The following HIPK3 variants were observed in gnomAD, a reference collection of about 807,000 sequenced individuals.
HIPK3 encodes homeodomain interacting protein kinase 3, also known as homeodomain-interacting protein kinase 3.
HIPK3 carries 47 observed loss-of-function variants against 124.2 expected under a neutral mutation model. That is an observed-to-expected ratio of 0.38 (90% CI 0.30 to 0.48). The LOEUF (loss-of-function observed/expected upper bound fraction) is 0.48, where lower values mean the gene tolerates loss of function less well. HIPK3 is among the 20% of genes least tolerant of loss of function. The pLI is 0.98. For synonymous variants in HIPK3, 482 were observed against 515.2 expected (o/e 0.94, Z 0.87); for missense variants, 1,286 against 1,454.3 (o/e 0.88, Z 1.88).
chr11:33,293,208 T>C (rs906888163), intron 2 of HIPK3, among the ~76,000 whole-genome samples: 5 of 152,220 alleles, frequency 3.3e-5, no homozygotes, highest in African/African-American at 1.2e-4. Context: ...AAAACAGCTT[T>C]ATTGAGATAT....
intron 3 of HIPK3, among the ~76,000 whole-genome samples, chr11:33,330,797 T>C (rs578082065): frequency 3.9e-4 from 59 of 151,966 alleles, no homozygotes; most frequent in African/African-American, 8.7e-4. Context: ...TTTTTTTTTT[T>C]CCCTATCAGT....
chr11:33,309,237 C>G (rs924498954), intron 2 of HIPK3, among the ~76,000 whole-genome samples: 2 of 152,154 alleles, frequency 1.3e-5, no homozygotes, highest in African/African-American at 4.8e-5. Context: ...CACTCAAGTC[C>G]ATTTATGCAA....
Position 33,287,185 on chromosome 11 carries a change from C to T in HIPK3, c.771C>T (p.Asn257=), listed in dbSNP as rs770844579. 82 of 1,614,042 alleles carry T rather than the reference C, an allele frequency of 5.1e-5. No homozygotes were observed. Among genetic ancestry groups the T allele is most frequent in the Non-Finnish European group, 6.2e-5 (73 of 1,180,028 alleles). ...GTACTGAAAATGCTGATGAATATAACTTTGTACGAGCTTATGAATGCTTTC... is the reference window on the plus strand; with the variant it reads ...GTACTGAAAATGCTGATGAATATAATTTTGTACGAGCTTATGAATGCTTTC... ...RLSTENADEY[N]FVRAYECFQH... The change falls in exon 2 of 17, where the codon AAC becomes AAT. Residue 257 remains asparagine (N), a synonymous_variant. Coordinates refer to ENST00000303296, the MANE Select transcript of HIPK3 (RefSeq NM_005734.5).
chr11:33,263,049 T>C (rs1850867348), intron 1 of HIPK3, among the ~76,000 whole-genome samples: 1 of 152,222 alleles, frequency 6.6e-6, no homozygotes, highest in Admixed American at 6.5e-5. Context: ...TTTTCATTTT[T>C]TGTAGAGACG....
intron 8 of HIPK3, among the ~76,000 whole-genome samples, chr11:33,343,247 T>TTGTG (rs3884092): frequency 0.072 from 10,117 of 141,332 alleles, 500 homozygotes; most frequent in African/African-American, 0.14. Context: ...TTATTTGATT[T>TTGTG]TGTGTGTGTG....
At chr11:33,326,824 A>G (rs1167506431) in intron 2 of HIPK3, among the ~76,000 whole-genome samples, 1 of 151,978 alleles carries the variant, frequency 6.6e-6, no homozygotes, top group Non-Finnish European at 1.5e-5. Flanking sequence ...GGTGCGGACC[A>G]TCACCCTGGC....
rs992418981 is a variant in HIPK3 at position 33,258,019 on chromosome 11, A to G, written c.-3+130A>G. On this transcript the variant is annotated intron_variant, in intron 1 of 16. Transcript: ENST00000303296. Reference sequence around the variant, plus strand: ...GACACCTCCGGCGCAGCCCGCACTCATTGCGCGTCCCGTGCCCCATCCGCA... The same window carrying G: ...GACACCTCCGGCGCAGCCCGCACTCGTTGCGCGTCCCGTGCCCCATCCGCA... The G allele has an allele frequency of 1.9e-5, 15 of 771,948 alleles. No homozygotes were observed. The African/African-American group carries it at 2.8e-4, about 14-fold the overall frequency. 47.8% of individuals were successfully genotyped at this position (771,948 alleles called of 1,614,324 possible).
At chr11:33,296,354 T>G (rs1441759605) in intron 2 of HIPK3, among the ~76,000 whole-genome samples, 1 of 152,198 alleles carries the variant, frequency 6.6e-6, no homozygotes. Flanking sequence ...TATTGGAGAA[T>G]GGCTTTTGGA....
chr11:33,287,016 A>G lies in HIPK3; in HGVS notation c.602A>G (p.Asp201Gly), dbSNP rs1354021958. Residue 201 changes from aspartate to glycine, a missense_variant, in exon 2 of 17, where the codon GAT becomes GGT. Physicochemically the swap from Asp to Gly is moderately conservative, Grantham distance 94 (BLOSUM62 -1). Coordinates refer to ENST00000303296, the MANE Select transcript of HIPK3 (RefSeq NM_005734.5). ...CSMKNTYEVL[D>G]FLGRGTFGQV... ...ATGAAAAATACTTACGAAGTCCTTGATTTTCTTGGTCGAGGCACGTTTGGC... is the reference window on the plus strand; with the variant it reads ...ATGAAAAATACTTACGAAGTCCTTGGTTTTCTTGGTCGAGGCACGTTTGGC... The G allele has an allele frequency of 6.2e-7, 1 of 1,614,022 alleles. No individual in the cohort carries two copies. Among genetic ancestry groups the G allele is most frequent in the Non-Finnish European group, 8.5e-7 (1 of 1,180,018 alleles).
At chr11:33,297,331 GGA>G (rs1851868829) in intron 2 of HIPK3, among the ~76,000 whole-genome samples, 2 of 152,022 alleles carry the variant, frequency 1.3e-5, no homozygotes, top group Non-Finnish European at 2.9e-5. Context: ...TGACCTCAGG[GGA>G]TCCACCCAAC....
At chr11:33,262,810 A>G (rs1021956304) in intron 1 of HIPK3, among the ~76,000 whole-genome samples, 1 of 151,296 alleles carries the variant, frequency 6.6e-6, no homozygotes, top group African/African-American at 2.4e-5. Flanking sequence ...TATTTTTTCT[A>G]TTTTTGTATT....
In HIPK3 at chr11:33,339,354, A is replaced by G; in HGVS notation, c.1433A>G (p.Asn478Ser). 2 of 1,611,350 alleles carry G rather than the reference A, an allele frequency of 1.2e-6. No individual in the cohort carries two copies. Among genetic ancestry groups the G allele is most frequent in the Admixed American group, 1.7e-5 (1 of 59,964 alleles). ...TTGAAATTTTGATTTTCTTAGGTGAACACAGTGATGGATTTGGAAGGAAGT... is the reference window on the plus strand; with the variant it reads ...TTGAAATTTTGATTTTCTTAGGTGAGCACAGTGATGGATTTGGAAGGAAGT... ...FNSLDDVAHV[N>S]TVMDLEGSDL... The change falls in exon 6 of 17, where the codon AAC becomes AGC. Residue 478 changes from asparagine (N) to serine (S), a missense_variant. By Grantham distance (46) the Asn-to-Ser change is conservative (BLOSUM62 1). Around this residue, in one of 3 missense-constraint regions of HIPK3, gnomAD observed 251 missense variants for 349.1 expected, o/e 0.72. Transcript: ENST00000303296.
Position 33,257,449 on chromosome 11 carries a change from C to A in HIPK3, c.-443C>A. On this transcript the variant is annotated 5_prime_UTR_variant, in exon 1 of 17. Coordinates refer to ENST00000303296, the MANE Select transcript of HIPK3 (RefSeq NM_005734.5). ...TGAGGAGATCAAGCCGCAGGCCCCG[C>A]CGTCGCCACCACTCCCGCCAGTCTT... 3.0e-6 allele frequency: 3 copies of A among 985,664 alleles called. No homozygotes were observed. Among genetic ancestry groups the A allele is most frequent in the Non-Finnish European group, 3.6e-6 (3 of 830,186 alleles). The allele number at this position is 985,664 out of a possible 1,614,324, so 61.1% of individuals were successfully genotyped here.
At position 33,286,645 on chromosome 11, in the gene HIPK3, A is replaced by G. The variant is rs772692938; in HGVS notation, c.231A>G (p.Ser77=). The part of the protein sequence containing the change: ...PFNRPRGHNF[S]LQTSAVVLKN... The stretch of plus-strand genomic sequence containing the variant: ...ATAGACCTCGAGGACACAACTTTTC[A>G]TTGCAGACAAGTGCTGTTGTTTTGA... Residue 77 remains serine (S), a synonymous_variant, in exon 2 of 17, where the codon TCA becomes TCG. Coordinates refer to ENST00000303296, the MANE Select transcript of HIPK3 (RefSeq NM_005734.5). 1.2e-5 allele frequency: 19 copies of G among 1,614,046 alleles called. No individual in the cohort carries two copies. Among genetic ancestry groups the G allele is most frequent in the Middle Eastern group, 1.6e-4 (1 of 6,084 alleles).
chr11:33,297,778 CTTTTTTTTTT>C (rs1015881408), intron 2 of HIPK3, among the ~76,000 whole-genome samples: 1,246 of 81,978 alleles, frequency 0.015, 24 homozygotes, highest in African/African-American at 0.055. Context: ...AAAGAACAGG[CTTTTTTTTTT>C]TTTTTTTTTT....
At chr11:33,310,281 T>TGTCTATCTTATCTATCTATCTATCTATC (rs1554965371) in intron 2 of HIPK3, among the ~76,000 whole-genome samples, 1 of 121,074 alleles carries the variant, frequency 8.3e-6, no homozygotes, top group Non-Finnish European at 1.8e-5. Flanking sequence ...TCTGTCTATC[T>TGTCTATCTTATCTATCTATCTATCTATC]TATCTATCTA....
At position 33,286,923 on chromosome 11, in the gene HIPK3, G is replaced by A. The variant is rs34698015; in HGVS notation, c.509G>A (p.Gly170Glu). The change falls in exon 2 of 17, where the codon GGA becomes GAA. Residue 170 changes from glycine to glutamate, a missense_variant. Gly to Glu is a moderately conservative substitution (Grantham distance 98). Transcript: ENST00000303296. ...GTGACAGTTGTGACAGCTACCACAG[G>A]ATCAAAACAGAATTGTACCACTGGA... is the stretch of plus-strand genomic sequence containing the variant. ...NPVTVVTATT[G>E]SKQNCTTGEG... The A allele has an allele frequency of 7.0e-3, 11,359 of 1,614,134 alleles. 61 individuals are homozygous for A. The highest frequency in any genetic ancestry group is 8.6e-3 in the Non-Finnish European group (10,150 of 1,180,012).
intron 2 of HIPK3, among the ~76,000 whole-genome samples, chr11:33,322,114 C>A (rs1176519724): frequency 6.6e-6 from 1 of 152,192 alleles, no homozygotes; most frequent in African/African-American, 2.4e-5. Context: ...ATTCTCCTGC[C>A]TCAGCCTCCC....
Position 33,286,615 on chromosome 11 carries a change from A to G in HIPK3, c.201A>G (p.Pro67=). ...TKGSAFQTKI[P]FNRPRGHNFS... ...GTAGTGCTTTTCAGACAAAGATACC[A>G]TTTAATAGACCTCGAGGACACAACT... Residue 67 remains proline, a synonymous_variant, in exon 2 of 17, where the codon CCA becomes CCG. Coordinates refer to ENST00000303296, the MANE Select transcript of HIPK3 (RefSeq NM_005734.5). The G allele has an allele frequency of 6.2e-7, 1 of 1,614,120 alleles. No homozygotes were observed. Among genetic ancestry groups the G allele is most frequent in the Non-Finnish European group, 8.5e-7 (1 of 1,180,006 alleles).
Sources: gnomAD v4.1 joint callset for allele counts (sites outside exome capture counted in the v4.1 genomes callset) on GRCh38, gnomAD v4.1.1 for gene constraint, gnomAD v4.1.1 regional missense constraint, MANE v1.5 for transcripts, NCBI Gene and HGNC (gene_info 2026-07-23, HGNC 2026-07-21) for gene names.